Variants in TBCD observed in about 807,000 individuals in gnomAD.
TBCD encodes the protein tubulin folding cofactor D.
In TBCD, 105 loss-of-function variants were observed where a neutral mutation model predicts 169.3. The observed-to-expected ratio is 0.62, with a 90% CI of 0.53 to 0.73. The LOEUF (loss-of-function observed/expected upper bound fraction) is 0.73. TBCD is among the 30% of genes least tolerant of loss of function. The pLI is 0.00. For missense variants in TBCD, 1,444 were observed against 1,600.1 expected, an observed-to-expected ratio of 0.90 and a Z score of 1.66; for synonymous variants, 700 against 643.9, an observed-to-expected ratio of 1.09 and a Z score of -1.32.
intron 13 of TBCD, chr17:82,830,128 G>A: frequency 1.2e-6 from 2 of 1,613,154 alleles, no homozygotes; most frequent in East Asian, 2.2e-5. Flanking sequence ...GTGAACACAC[G>A]TGTGAACCCG....
chr17:82,843,163 A>G (rs1246967773), intron 13 of TBCD, among the ~76,000 whole-genome samples: 1 of 152,070 alleles, frequency 6.6e-6, no homozygotes, highest in African/African-American at 2.4e-5. Flanking sequence ...TTTCTCTCTT[A>G]ACATTTTAGT....
At chr17:82,783,151 A>T (rs1205337051) in intron 7 of TBCD, among the ~76,000 whole-genome samples, 1 of 151,240 alleles carries the variant, frequency 6.6e-6, no homozygotes, top group African/African-American at 2.4e-5. Context: ...TTGAGGGGGA[A>T]TTGGGAAGTG....
chr17:82,783,567 CT>C (rs1327562597), intron 7 of TBCD, among the ~76,000 whole-genome samples: 1 of 152,338 alleles, frequency 6.6e-6, no homozygotes, highest in African/African-American at 2.4e-5. Context: ...TGTGGACTTG[CT>C]GGTTGCGGAC....
At chr17:82,757,267 A>G (rs993356870) in intron 2 of TBCD, among the ~76,000 whole-genome samples, 43 of 151,766 alleles carry the variant, frequency 2.8e-4, no homozygotes, top group Non-Finnish European at 5.2e-4. Context: ...TCATGTGCGC[A>G]CACGTGCCTC....
At position 82,929,410 on chromosome 17, in the gene TBCD, A is replaced by T; in HGVS notation, c.2901A>T (p.Pro967=). 1 of 1,612,864 alleles carries T rather than the reference A, an allele frequency of 6.2e-7. No individual in the cohort carries two copies. Among genetic ancestry groups the T allele is most frequent in the Non-Finnish European group, 8.5e-7 (1 of 1,179,834 alleles). ...VNWSAPSQAF[P]RITQLLGLPT... ...GGAGTGCACCTTCCCAGGCCTTCCC[A>T]CGCATCACCCAGCTCCTTGGGCTGC... The change falls in exon 32 of 39, where the codon CCA becomes CCT. Residue 967 remains proline (P), a synonymous_variant. Coordinates refer to ENST00000355528, the MANE Select transcript of TBCD (RefSeq NM_005993.5).
chr17:82,937,868 G>C (rs114875276), intron 35 of TBCD, 181 bp from the exon 36 acceptor site: 1 of 1,509,350 alleles, frequency 6.6e-7, no homozygotes, highest in East Asian at 2.5e-5. Context: ...TGCGACACTC[G>C]TGTGTGTAGG....
At chr17:82,779,078 C>G (rs565108375) in intron 6 of TBCD, among the ~76,000 whole-genome samples, 1 of 148,972 alleles carries the variant, frequency 6.7e-6, no homozygotes, top group South Asian at 2.1e-4. Flanking sequence ...ATGGTGAGAT[C>G]TCGGCTCACT....
At chr17:82,888,113 G>A (rs1166212034) in intron 15 of TBCD, among the ~76,000 whole-genome samples, 1 of 152,052 alleles carries the variant, frequency 6.6e-6, no homozygotes, top group Non-Finnish European at 1.5e-5. Flanking sequence ...TTGTTTTTGT[G>A]GCTCATGTTT....
intron 38 of TBCD, 97 bp from the exon 39 acceptor site, chr17:82,942,352 C>G: frequency 1.9e-6 from 3 of 1,557,568 alleles, no homozygotes; most frequent in Non-Finnish European, 2.6e-6. Flanking sequence ...GGAACCGTGT[C>G]AGTCCCCACA....
intron 12 of TBCD, 58 bp downstream of exon 12, chr17:82,809,840 C>T (rs988892209): frequency 1.1e-5 from 17 of 1,521,078 alleles, no homozygotes; most frequent in Non-Finnish European, 1.4e-5. Flanking sequence ...GAAGCCCTGG[C>T]TTTCCTTATA....
intron 13 of TBCD, chr17:82,865,587 T>C: frequency 2.0e-6 from 2 of 977,164 alleles, no homozygotes; most frequent in Non-Finnish European, 2.4e-6. Context: ...AGTGCCGAAA[T>C]GGGAAGGCCT....
chr17:82,850,042 G>C (rs1156863068), intron 13 of TBCD, among the ~76,000 whole-genome samples: 220 of 78,344 alleles, frequency 2.8e-3, no homozygotes, highest in South Asian at 7.3e-3. Flanking sequence ...GCTGTTGTTG[G>C]CTGTGCTGTT....
intron 29 of TBCD, 55 bp from the exon 30 acceptor site, chr17:82,927,850 A>G: frequency 1.3e-6 from 2 of 1,524,474 alleles, no homozygotes; most frequent in Non-Finnish European, 1.8e-6. Flanking sequence ...GGGCAGAACC[A>G]GGGTTGGAAC....
rs1393968679 is a variant in TBCD, at chr17:82,833,611, G to A, written c.1318+18677G>A. ...GTCACCCGGTTCCTGCTGGCCAGGAGGCATGGCCAGCAGCGCCTGCCCGTC... is the reference window on the plus strand; with the variant it reads ...GTCACCCGGTTCCTGCTGGCCAGGAAGCATGGCCAGCAGCGCCTGCCCGTC... On this transcript the variant is annotated intron_variant, in intron 13 of 38. Coordinates refer to ENST00000355528, the MANE Select transcript of TBCD (RefSeq NM_005993.5). This position sits in a 1 kb window ranked among gnomAD's most constrained non-coding sequence, Gnocchi z 4.7. Among the ~76,000 whole-genome samples the A allele has an allele frequency of 6.6e-6, 1 of 152,208 alleles. No homozygotes were observed. Among genetic ancestry groups the A allele is most frequent in the Non-Finnish European group, 1.5e-5 (1 of 68,040 alleles).
At chr17:82,909,217 A>G in intron 21 of TBCD, 68 bp from the exon 22 acceptor site, 1 of 1,224,726 alleles carries the variant, frequency 8.2e-7, no homozygotes, top group Non-Finnish European at 1.1e-6. Context: ...TGTTTTTGAC[A>G]GTTGTTAACG....
At chr17:82,935,689 G>A (rs892343350) in intron 34 of TBCD, among the ~76,000 whole-genome samples, 6 of 152,216 alleles carry the variant, frequency 3.9e-5, no homozygotes, top group Non-Finnish European at 5.9e-5. Flanking sequence ...TTGGTTCCGC[G>A]TGCTTCCGTC....
At chr17:82,822,707 T>G (rs2052513671) in intron 13 of TBCD, among the ~76,000 whole-genome samples, 1 of 152,116 alleles carries the variant, frequency 6.6e-6, no homozygotes, top group South Asian at 2.1e-4. Context: ...AGACCAGAGC[T>G]GTGAAGAAAG....
rs1455910499 is a variant in TBCD, at chr17:82,941,444, T to TGACCTTCTGGGC, written c.3527_3538dup (p.Asp1176_Gly1179dup). On this transcript the variant is annotated inframe_insertion, in exon 38 of 39. Coordinates refer to ENST00000355528, the MANE Select transcript of TBCD (RefSeq NM_005993.5). ...TGAGAGAGCAGCGCAACCGTCTGTG[T>TGACCTTCTGGGC]GACCTTCTGGGCGTACCCAGGCCCC... 6.2e-7 allele frequency: 1 copy of TGACCTTCTGGGC among 1,603,674 alleles called. No homozygotes were observed. Among genetic ancestry groups the TGACCTTCTGGGC allele is most frequent in the East Asian group, 2.2e-5 (1 of 44,612 alleles).
At chr17:82,892,170 G>T (rs1049505255) in intron 16 of TBCD, among the ~76,000 whole-genome samples, 15 of 151,844 alleles carry the variant, frequency 9.9e-5, no homozygotes, top group African/African-American at 3.4e-4. Context: ...TTCTCACCGT[G>T]GGGGGATGCT....
Sources: allele counts gnomAD v4.1 joint callset (sites outside exome capture counted in the v4.1 genomes callset), GRCh38; gene constraint gnomAD v4.1.1; non-coding constraint Gnocchi (gnomAD v3.1); transcripts MANE v1.5; gene names NCBI Gene and HGNC (gene_info 2026-07-23, HGNC 2026-07-21).